Variants in ORAI2 observed in about 807,000 individuals in gnomAD.
ORAI2 encodes ORAI calcium release-activated calcium modulator 2, also known as protein orai-2.
Under a neutral mutation model 16.2 loss-of-function variants are expected in ORAI2, and 10 were observed. That is an observed-to-expected ratio of 0.62 (90% CI 0.38 to 1.04). The LOEUF is 1.04. Among genes scored for constraint, ORAI2 ranks in the 50% least tolerant of loss-of-function variants. ORAI2 has a pLI of 0.01. For missense variants in ORAI2, 238 were observed against 355.5 expected (o/e 0.67, Z 2.66); for synonymous variants, 150 against 157.5 (o/e 0.95, Z 0.35).
intron 2 of ORAI2, among the ~76,000 whole-genome samples, chr7:102,438,316 G>A (rs529071318): frequency 3.7e-4 from 56 of 150,970 alleles, no homozygotes; most frequent in South Asian, 6.3e-4. Flanking sequence ...TGGGCAACTC[G>A]GCGAGACTGT....
rs1255953191 is a variant in ORAI2, at chr7:102,451,363, C to T, written c.*4311C>T. Reference sequence around the variant, plus strand: ...TAGTACCTGACCACCTGTTTCAAAACGCAGGTGTTTCTGGTTTAGAAACTT... The same window carrying T: ...TAGTACCTGACCACCTGTTTCAAAATGCAGGTGTTTCTGGTTTAGAAACTT... On this transcript the variant is annotated 3_prime_UTR_variant, in exon 4 of 4. Coordinates refer to ENST00000495936, the MANE Select transcript of ORAI2 (RefSeq NM_001126340.3). The T allele has an allele frequency of 3.9e-5, 6 of 152,248 alleles. No individual in the cohort carries two copies. Among genetic ancestry groups the T allele is most frequent in the South Asian group, 4.2e-4 (2 of 4,812 alleles). The allele number at this position is 152,248 out of a possible 1,614,324, so 9.4% of individuals were successfully genotyped here. A position where few individuals can be genotyped will look rare whatever the true frequency, so the allele number is the denominator to read the frequency against.
At chr7:102,440,790 A>G (rs1797176904) in intron 3 of ORAI2, among the ~76,000 whole-genome samples, 2 of 151,886 alleles carry the variant, frequency 1.3e-5, no homozygotes, top group African/African-American at 2.4e-5. Flanking sequence ...TGCAGTCTTG[A>G]ACTCTCAAGT....
chr7:102,446,067 G>A (rs981147562), intron 3 of ORAI2, among the ~76,000 whole-genome samples: 9 of 152,052 alleles, frequency 5.9e-5, no homozygotes, highest in African/African-American at 2.2e-4. Context: ...TCCTGCCTCA[G>A]CCTCCCGAGT....
In ORAI2 at chr7:102,439,098, C is replaced by T. The variant is rs752472055; in HGVS notation, c.142C>T (p.Leu48=). 3.1e-6 allele frequency: 5 copies of T among 1,613,996 alleles called. No homozygotes were observed. The highest frequency in any genetic ancestry group is 4.2e-6 in the Non-Finnish European group (5 of 1,180,058). Residue 48 remains leucine, a synonymous_variant, in exon 3 of 4, where the codon CTG becomes TTG. Transcript: ENST00000495936. ...CTCTAACCACCACTCGGTACAGGCC[C>T]TGTCGTGGCGGAAGCTCTACCTGAG... ...VTSNHHSVQA[L]SWRKLYLSRA... is the part of the protein sequence containing the mutation.
chr7:102,438,487 C>A (rs1381252170), intron 2 of ORAI2, among the ~76,000 whole-genome samples: 2 of 151,918 alleles, frequency 1.3e-5, no homozygotes, highest in African/African-American at 4.8e-5. Context: ...ACTTTAGGTC[C>A]TGGAAGGCTG....
At chr7:102,442,224 T>C (rs1028197721) in intron 3 of ORAI2, among the ~76,000 whole-genome samples, 13 of 151,832 alleles carry the variant, frequency 8.6e-5, no homozygotes, top group African/African-American at 2.9e-4. Flanking sequence ...CAGATCAGCC[T>C]GGCCAACATG....
At chr7:102,439,632 C>T (rs1411196290) in intron 3 of ORAI2, among the ~76,000 whole-genome samples, 2 of 151,808 alleles carry the variant, frequency 1.3e-5, no homozygotes, top group African/African-American at 4.8e-5. Context: ...GACGTGGTGG[C>T]GTGCACCTAT....
At chr7:102,436,986 C>G (rs1239754235) in intron 2 of ORAI2, among the ~76,000 whole-genome samples, 1 of 152,168 alleles carries the variant, frequency 6.6e-6, no homozygotes, top group African/African-American at 2.4e-5. Flanking sequence ...TGAAGCACGC[C>G]CTGCAGATTA....
At position 102,450,464 on chromosome 7, in the gene ORAI2, TCTGGGGGCCAGTTACTGTAC is replaced by T. The variant is rs1429179703; in HGVS notation, c.*3417_*3436del. Reference sequence around the variant, plus strand: ...ACTGTGGAACGCATCTCCAGTGCCATCTGGGGGCCAGTTACTGTACCTGGTCCCCAGGCAGAGCTCTTGGC... The same window carrying T: ...ACTGTGGAACGCATCTCCAGTGCCATCTGGTCCCCAGGCAGAGCTCTTGGC... On this transcript the variant is annotated 3_prime_UTR_variant, in exon 4 of 4. Transcript: ENST00000495936. 2 of 152,288 alleles carry T rather than the reference TCTGGGGGCCAGTTACTGTAC, an allele frequency of 1.3e-5. No homozygotes were observed. The highest frequency in any genetic ancestry group is 2.4e-5 in the African/African-American group (1 of 41,470). The allele number at this position is 152,288 out of a possible 1,614,324, so 9.4% of individuals were successfully genotyped here. A position where few individuals can be genotyped will look rare whatever the true frequency, so the allele number is the denominator to read the frequency against.
Position 102,451,693 on chromosome 7 carries a change from TG to T in ORAI2, c.*4646del. 1 of 152,388 alleles carries T rather than the reference TG, an allele frequency of 6.6e-6. No homozygotes were observed. Among genetic ancestry groups the T allele is most frequent in the Non-Finnish European group, 1.5e-5 (1 of 68,052 alleles). The allele number at this position is 152,388 out of a possible 1,614,324, so 9.4% of individuals were successfully genotyped here. On this transcript the variant is annotated 3_prime_UTR_variant, in exon 4 of 4. Transcript: ENST00000495936. ...TGGCCCTCCCGTGGCATCTGCTGAC[TG>T]GGGGACCCACATCGTGGCCTGAAAA... is the stretch of plus-strand genomic sequence containing the variant.
rs1440437315 is a variant in ORAI2, at chr7:102,433,889, C to A, written c.-123+228C>A. On this transcript the variant is annotated intron_variant, in intron 1 of 3. Coordinates refer to ENST00000495936, the MANE Select transcript of ORAI2 (RefSeq NM_001126340.3). This position sits in a 1 kb window ranked among gnomAD's most constrained non-coding sequence, Gnocchi z 4.6. Reference sequence around the variant, plus strand: ...CAGCCGGTTCCGGACACCGGGGCGTCCCTGGGGGAGGGACAGGGATGCAGC... The same window carrying A: ...CAGCCGGTTCCGGACACCGGGGCGTACCTGGGGGAGGGACAGGGATGCAGC... 6.6e-6 allele frequency among the ~76,000 whole-genome samples: 1 copy of A among 151,942 alleles called. No individual in the cohort carries two copies. The highest frequency in any genetic ancestry group is 2.4e-5 in the African/African-American group (1 of 41,384).
chr7:102,445,465 G>T (rs994530975), intron 3 of ORAI2, among the ~76,000 whole-genome samples: 1 of 151,114 alleles, frequency 6.6e-6, no homozygotes, highest in African/African-American at 2.4e-5. Flanking sequence ...TCCTTTTTTT[G>T]TAGAGACGAG....
chr7:102,445,913 C>A (rs893158255), intron 3 of ORAI2, among the ~76,000 whole-genome samples: 1 of 142,158 alleles, frequency 7.0e-6, no homozygotes, highest in East Asian at 2.1e-4. Context: ...CTTTCTCTCT[C>A]TTTCTTTCTT....
chr7:102,439,162 T>C lies in ORAI2; in HGVS notation c.206T>C (p.Leu69Pro). 6.2e-7 allele frequency: 1 copy of C among 1,613,708 alleles called. No individual in the cohort carries two copies. Among genetic ancestry groups the C allele is most frequent in the Non-Finnish European group, 8.5e-7 (1 of 1,179,996 alleles). The change falls in exon 3 of 4, where the codon CTC becomes CCC. Residue 69 changes from leucine (L) to proline (P), a missense_variant. Physicochemically the swap from Leu to Pro is moderately conservative, Grantham distance 98 (BLOSUM62 -3). Coordinates refer to ENST00000495936, the MANE Select transcript of ORAI2 (RefSeq NM_001126340.3). ...KLKASSRTSALLSGFAMVAMV... is the reference protein window; with the variant it reads ...KLKASSRTSAPLSGFAMVAMV... Reference sequence around the variant, plus strand: ...AAGGCCTCCAGCAGGACCTCCGCCCTCCTCTCCGGCTTTGCCATGGTGAGT... The same window carrying C: ...AAGGCCTCCAGCAGGACCTCCGCCCCCCTCTCCGGCTTTGCCATGGTGAGT...
In ORAI2 at chr7:102,450,023, G is replaced by C. The variant is rs1407182848; in HGVS notation, c.*2971G>C. On this transcript the variant is annotated 3_prime_UTR_variant, in exon 4 of 4. Transcript: ENST00000495936. ...GCCTGTAGTCCCAGCTACTTGGGAG[G>C]CTGAGGCAGGAGAATCACTTGAACC... 2 of 152,170 alleles carry C rather than the reference G, an allele frequency of 1.3e-5. No homozygotes were observed. The highest frequency in any genetic ancestry group is 4.8e-5 in the African/African-American group (2 of 41,434). The allele number at this position is 152,170 out of a possible 1,614,324, so 9.4% of individuals were successfully genotyped here.
At chr7:102,440,033 A>G (rs953594833) in intron 3 of ORAI2, among the ~76,000 whole-genome samples, 3 of 152,320 alleles carry the variant, frequency 2.0e-5, no homozygotes, top group East Asian at 1.9e-4. Context: ...CAGTGAGCCA[A>G]GGTCACGCCA....
intron 2 of ORAI2, among the ~76,000 whole-genome samples, chr7:102,436,685 A>G (rs1297031575): frequency 1.3e-5 from 2 of 152,036 alleles, no homozygotes; most frequent in African/African-American, 4.8e-5. Flanking sequence ...TGGACATAGA[A>G]GTTACTCTTT....
In ORAI2 at chr7:102,436,237, C is replaced by T; in HGVS notation, c.-110C>T. The T allele has an allele frequency of 1.1e-6, 1 of 877,024 alleles. No homozygotes were observed. The highest frequency in any genetic ancestry group is 1.4e-6 in the Non-Finnish European group (1 of 730,920). 54.3% of individuals were successfully genotyped at this position (877,024 alleles called of 1,614,324 possible). On this transcript the variant is annotated 5_prime_UTR_variant, in exon 2 of 4. Coordinates refer to ENST00000495936, the MANE Select transcript of ORAI2 (RefSeq NM_001126340.3). ...AATTCTCCCCAAGGGAAGGAACGTCCCAGGGATGGAAGTGCTTGGATGCGG... is the reference window on the plus strand; with the variant it reads ...AATTCTCCCCAAGGGAAGGAACGTCTCAGGGATGGAAGTGCTTGGATGCGG...
rs1397841285 is a variant in ORAI2, at chr7:102,453,359, C to T, written c.*6307C>T. On this transcript the variant is annotated 3_prime_UTR_variant, in exon 4 of 4. Transcript: ENST00000495936. ...CTCCTGGCCTCAAGTGATCCGCTGGCCTCAGCCTCCTAAAGTGCTGGATTA... is the reference window on the plus strand; with the variant it reads ...CTCCTGGCCTCAAGTGATCCGCTGGTCTCAGCCTCCTAAAGTGCTGGATTA... 6.6e-6 allele frequency: 1 copy of T among 152,358 alleles called. No homozygotes were observed. The highest frequency in any genetic ancestry group is 1.9e-4 in the East Asian group (1 of 5,188). 9.4% of individuals were successfully genotyped at this position (152,358 alleles called of 1,614,324 possible). A position where few individuals can be genotyped will look rare whatever the true frequency, so the allele number is the denominator to read the frequency against.
Sources: allele counts gnomAD v4.1 joint callset (sites outside exome capture counted in the v4.1 genomes callset), GRCh38; gene constraint gnomAD v4.1.1; non-coding constraint Gnocchi (gnomAD v3.1); transcripts MANE v1.5; gene names NCBI Gene and HGNC (gene_info 2026-07-23, HGNC 2026-07-21).